Variants in PPP6R2 observed in about 807,000 individuals in gnomAD.
The protein encoded by PPP6R2 is protein phosphatase 6 regulatory subunit 2, also known as serine/threonine-protein phosphatase 6 regulatory subunit 2.
Under a neutral mutation model 100.2 loss-of-function variants are expected in PPP6R2, and 62 were observed. That is an observed-to-expected ratio of 0.62 (90% CI 0.50 to 0.76). The LOEUF (loss-of-function observed/expected upper bound fraction) is 0.76. PPP6R2 is among the 30% of genes least tolerant of loss of function. The probability of loss-of-function intolerance (pLI) is 0.00; values close to 1 mark genes in which losing one functional copy is unlikely to be tolerated. For missense variants in PPP6R2, 1,142 were observed against 1,276.3 expected, an observed-to-expected ratio of 0.89 and a Z score of 1.60; for synonymous variants, 525 against 514.7, an observed-to-expected ratio of 1.02 and a Z score of -0.27.
At chr22:50,381,004 A>T (rs891233596) in intron 2 of PPP6R2, among the ~76,000 whole-genome samples, 2 of 148,910 alleles carry the variant, frequency 1.3e-5, no homozygotes, top group Non-Finnish European at 3.0e-5. Context: ...AAAAAAAAAA[A>T]TTAGCTGGGC....
intron 2 of PPP6R2, among the ~76,000 whole-genome samples, chr22:50,386,012 A>G (rs1452036967): frequency 3.4e-5 from 5 of 147,392 alleles, no homozygotes; most frequent in Non-Finnish European, 7.4e-5. Flanking sequence ...TTTAGTAGAG[A>G]CGGGGTTTCA....
intron 2 of PPP6R2, among the ~76,000 whole-genome samples, chr22:50,373,821 C>T (rs1170637483): frequency 6.6e-6 from 1 of 152,034 alleles, no homozygotes; most frequent in Non-Finnish European, 1.5e-5. Context: ...GCAACCTCCG[C>T]CTCCTGGGTT....
intron 8 of PPP6R2, among the ~76,000 whole-genome samples, chr22:50,419,720 G>C (rs943260455): frequency 6.6e-6 from 1 of 152,214 alleles, no homozygotes; most frequent in East Asian, 1.9e-4. Flanking sequence ...TTGTCGATGT[G>C]CGTGGAACAG....
At chr22:50,419,005 G>A in intron 7 of PPP6R2, 26 bp downstream of exon 7, 1 of 1,565,832 alleles carries the variant, frequency 6.4e-7, no homozygotes, top group Non-Finnish European at 8.8e-7. Flanking sequence ...CCGTGGTGCT[G>A]GTGGGCCTCC....
chr22:50,342,707 A>G (rs1016887956), upstream of PPP6R2, among the ~76,000 whole-genome samples: 7 of 152,282 alleles, frequency 4.6e-5, no homozygotes, highest in Non-Finnish European at 8.8e-5. Flanking sequence ...AATTATTTTG[A>G]TGGAATTAAA....
chr22:50,410,937 G>C (rs1361430847), intron 4 of PPP6R2, among the ~76,000 whole-genome samples: 2 of 152,030 alleles, frequency 1.3e-5, no homozygotes, highest in East Asian at 3.9e-4. Flanking sequence ...GATTACAGGT[G>C]CCTGCCCCCA....
At chr22:50,394,329 T>G (rs564943023) in intron 3 of PPP6R2, among the ~76,000 whole-genome samples, 194 bp downstream of exon 3, 1 of 152,296 alleles carries the variant, frequency 6.6e-6, no homozygotes, top group South Asian at 2.1e-4. Context: ...GTGCAGTGGC[T>G]CACGCCTGTA....
chr22:50,423,480 A>T lies in PPP6R2; in HGVS notation c.991A>T (p.Thr331Ser). ...NPPKKKAILT[T>S]IGVLEEPLGN... ...TTTGCAGAAGAAAGCGATCCTGACC[A>T]CCATTGGTGTGCTGGAGGAGCCCCT... The change falls in exon 10 of 24, where the codon ACC (threonine) becomes TCC (serine). Residue 331 changes from threonine to serine, a missense_variant. This residue lies in a region of PPP6R2 where 592 missense variants were observed against 758.9 expected (regional missense o/e 0.78). Transcript: ENST00000612753. This position sits in a 1 kb window ranked among gnomAD's most constrained non-coding sequence, Gnocchi z 4.8. 6.2e-7 allele frequency: 1 copy of T among 1,614,080 alleles called. No individual in the cohort carries two copies.
chr22:50,337,109 AGTGT>A, the PPP6R2 span, among the ~76,000 whole-genome samples: 505 of 147,328 alleles, frequency 3.4e-3, no homozygotes, highest in African/African-American at 0.011. Flanking sequence ...TGATGAAGAG[AGTGT>A]GTGTGTGTGT....
At chr22:50,370,557 G>A (rs1306737153) in intron 1 of PPP6R2, among the ~76,000 whole-genome samples, 2 of 152,164 alleles carry the variant, frequency 1.3e-5, no homozygotes, top group African/African-American at 4.8e-5. Flanking sequence ...AAAGTGCTGG[G>A]ATTACAGGCG....
At chr22:50,366,910 T>TA (rs1555979092) in intron 1 of PPP6R2, among the ~76,000 whole-genome samples, 4 of 151,846 alleles carry the variant, frequency 2.6e-5, no homozygotes, top group Non-Finnish European at 4.4e-5. Context: ...GTCTTTTGTT[T>TA]CCTTTTTTCA....
intron 21 of PPP6R2, among the ~76,000 whole-genome samples, chr22:50,440,544 G>A (rs1048634169): frequency 3.3e-5 from 5 of 152,352 alleles, no homozygotes; most frequent in East Asian, 1.9e-4. Flanking sequence ...AGGACCACAC[G>A]AGGCGGAGTG....
intron 2 of PPP6R2, among the ~76,000 whole-genome samples, chr22:50,377,947 C>T (rs528021118): frequency 6.6e-6 from 1 of 152,074 alleles, no homozygotes; most frequent in Admixed American, 6.6e-5. Flanking sequence ...GCGGAGGTTG[C>T]AGTGAGCTGA....
intron 2 of PPP6R2, among the ~76,000 whole-genome samples, chr22:50,376,541 G>C (rs1393433744): frequency 6.6e-6 from 1 of 152,036 alleles, no homozygotes; most frequent in Non-Finnish European, 1.5e-5. Flanking sequence ...TTCTGTCTCA[G>C]CCTTCTGAGT....
At chr22:50,401,711 C>T (rs1187256490) in intron 3 of PPP6R2, among the ~76,000 whole-genome samples, 2 of 151,506 alleles carry the variant, frequency 1.3e-5, no homozygotes, top group African/African-American at 2.4e-5. Flanking sequence ...GGCACAATCT[C>T]GGCTCACTGT....
intron 3 of PPP6R2, among the ~76,000 whole-genome samples, chr22:50,395,578 T>C (rs745642884): frequency 3.9e-5 from 6 of 152,116 alleles, no homozygotes; most frequent in Non-Finnish European, 5.9e-5. Flanking sequence ...TTTAGTTTTT[T>C]GAGACAAGGT....
At chr22:50,382,965 G>C (rs545450546) in intron 2 of PPP6R2, among the ~76,000 whole-genome samples, 1 of 151,902 alleles carries the variant, frequency 6.6e-6, no homozygotes, top group South Asian at 2.1e-4. Context: ...AGTCTCCCGA[G>C]TAGCTGTGAT....
chr22:50,342,909 C>G (rs2042565997), upstream of PPP6R2, among the ~76,000 whole-genome samples: 1 of 152,096 alleles, frequency 6.6e-6, no homozygotes, highest in South Asian at 2.1e-4. Flanking sequence ...GTCCACGCCC[C>G]GCGGCCTCTG....
intron 2 of PPP6R2, among the ~76,000 whole-genome samples, chr22:50,374,911 CAAAA>C (rs60035779): frequency 3.7e-4 from 30 of 80,962 alleles, no homozygotes; most frequent in Non-Finnish European, 6.6e-4. Context: ...GACTCTGTCT[CAAAA>C]AAAAAAAAAA....
Sources: gnomAD v4.1 joint callset for allele counts (sites outside exome capture counted in the v4.1 genomes callset) on GRCh38, gnomAD v4.1.1 for gene constraint, gnomAD v4.1.1 regional missense constraint, Gnocchi (gnomAD v3.1) non-coding constraint, MANE v1.5 for transcripts, NCBI Gene and HGNC (gene_info 2026-07-23, HGNC 2026-07-21) for gene names.